Variants in ITSN1 observed in about 807,000 individuals in gnomAD.
The protein encoded by ITSN1 is intersectin 1.
ITSN1 carries 58 observed loss-of-function variants against 239.8 expected under a neutral mutation model. That is an observed-to-expected ratio of 0.24 (90% CI 0.20 to 0.30). The LOEUF (loss-of-function observed/expected upper bound fraction) is 0.30. Among genes scored for constraint, ITSN1 ranks in the 10% least tolerant of loss-of-function variants. The pLI is 1.00. For missense variants in ITSN1, 1,558 were observed against 2,103.3 expected, an observed-to-expected ratio of 0.74 and a Z score of 5.07; for synonymous variants, 780 against 770.8, an observed-to-expected ratio of 1.01 and a Z score of -0.20.
At chr21:33,803,659 A>G (rs1274285818) in intron 20 of ITSN1, among the ~76,000 whole-genome samples, 2 of 152,216 alleles carry the variant, frequency 1.3e-5, no homozygotes, top group Non-Finnish European at 2.9e-5. Context: ...ACCACTGGGC[A>G]GTAAAGAAGG....
intron 1 of ITSN1, chr21:33,643,445 A>C (rs942404255): frequency 3.3e-5 from 5 of 151,890 alleles, no homozygotes; most frequent in African/African-American, 7.3e-5. Flanking sequence ...CCGAATTCCC[A>C]AAAAAAGGAA....
chr21:33,677,469 A>G (rs1401103345), intron 1 of ITSN1, among the ~76,000 whole-genome samples: 1 of 151,746 alleles, frequency 6.6e-6, no homozygotes, highest in African/African-American at 2.4e-5. Flanking sequence ...CCTCCCGAGT[A>G]CCTGGGATTA....
At position 33,767,696 on chromosome 21, in the gene ITSN1, T is replaced by C; in HGVS notation, c.927-17T>C. 6.7e-7 allele frequency: 1 copy of C among 1,483,798 alleles called. No homozygotes were observed. The highest frequency in any genetic ancestry group is 9.3e-7 in the Non-Finnish European group (1 of 1,070,274). The allele number at this position is 1,483,798 out of a possible 1,614,324, so 91.9% of individuals were successfully genotyped here. On this transcript the variant is annotated splice_polypyrimidine_tract_variant and intron_variant, in intron 10 of 39. Transcript: ENST00000381318. ...AGCTCTGTGTGAATCTATTTTTCTTTTTCCCCGCAATTGCAGAAGAGTTCG... is the reference window on the plus strand; with the variant it reads ...AGCTCTGTGTGAATCTATTTTTCTTCTTCCCCGCAATTGCAGAAGAGTTCG...
At chr21:33,832,261 C>T (rs145689791) in intron 27 of ITSN1, among the ~76,000 whole-genome samples, 3 of 152,354 alleles carry the variant, frequency 2.0e-5, no homozygotes, top group South Asian at 4.1e-4. Flanking sequence ...TCTGGAAGCT[C>T]TCTGTGACCA....
Position 33,865,475 on chromosome 21 carries a change from G to A in ITSN1, c.4074+141G>A. ...GCCTAGGGTCTTGGCTAAGCCTTAG[G>A]GGACTGGCACTCACTGGCAAGTGTG... On this transcript the variant is annotated intron_variant, in intron 32 of 39. Coordinates refer to ENST00000381318, the MANE Select transcript of ITSN1 (RefSeq NM_003024.3). The surrounding 1 kb of genome is among the most constrained non-coding windows in gnomAD (Gnocchi z 4.4). The A allele has an allele frequency of 3.0e-6, 2 of 660,108 alleles. No homozygotes were observed. The highest frequency in any genetic ancestry group is 2.5e-5 in the South Asian group (1 of 39,434). 40.9% of individuals were successfully genotyped at this position (660,108 alleles called of 1,614,324 possible). A position where few individuals can be genotyped will look rare whatever the true frequency, so the allele number is the denominator to read the frequency against.
intron 22 of ITSN1, 141 bp from the exon 23 acceptor site, chr21:33,818,126 C>G: frequency 1.5e-6 from 1 of 664,288 alleles, no homozygotes; most frequent in Non-Finnish European, 2.6e-6. Flanking sequence ...TCCAGCCCTC[C>G]TGCTGTGCTG....
intron 4 of ITSN1, among the ~76,000 whole-genome samples, chr21:33,731,213 T>A (rs7278358): frequency 0.037 from 5,647 of 152,252 alleles, 366 homozygotes; most frequent in African/African-American, 0.13. Context: ...TAGAGTCTAA[T>A]TAAGCCATTA....
intron 16 of ITSN1, 24 bp from the exon 17 acceptor site, chr21:33,794,317 G>T: frequency 6.4e-7 from 1 of 1,568,392 alleles, no homozygotes; most frequent in South Asian, 1.1e-5. Flanking sequence ...GTCGCTACAT[G>T]AACTGTTTCT....
chr21:33,756,332 T>C (rs1434269103), intron 8 of ITSN1, among the ~76,000 whole-genome samples: 1 of 150,004 alleles, frequency 6.7e-6, no homozygotes, highest in Non-Finnish European at 1.5e-5. Context: ...AAAGCATAAC[T>C]TTAATGAAAG....
rs182707345 is a variant in ITSN1 at position 33,722,742 on chromosome 21, A to G, written c.185+91A>G. 1.0e-4 allele frequency: 124 copies of G among 1,227,258 alleles called. No homozygotes were observed. In the Admixed American group the frequency reaches 3.1e-3, roughly 31 times the overall value. The allele number at this position is 1,227,258 out of a possible 1,614,324, so 76.0% of individuals were successfully genotyped here. On this transcript the variant is annotated intron_variant, in intron 4 of 39. Coordinates refer to ENST00000381318, the MANE Select transcript of ITSN1 (RefSeq NM_003024.3). ...ATTTGGTAATATGATTTCTTATGTT[A>G]TAAAAGGAGAACATGTATCTCTAGC...
intron 29 of ITSN1, chr21:33,838,439 T>C: frequency 1.0e-6 from 1 of 983,070 alleles, no homozygotes. Flanking sequence ...TTAACAACTG[T>C]AATACAACCT....
At position 33,892,336 on chromosome 21, in the gene ITSN1, C is replaced by T. The variant is rs919966208; in HGVS notation, c.*4036C>T. The T allele has an allele frequency of 1.3e-5, 2 of 152,190 alleles. No homozygotes were observed. The allele number at this position is 152,190 out of a possible 1,614,324, so 9.4% of individuals were successfully genotyped here. On this transcript the variant is annotated 3_prime_UTR_variant, in exon 40 of 40. Coordinates refer to ENST00000381318, the MANE Select transcript of ITSN1 (RefSeq NM_003024.3). ...AACTAACACCTCCTTCTTTTTGCAC[C>T]GTGGGGTGCTGAAATTCCTGCTAGA...
At chr21:33,859,404 G>T (rs929922631) in intron 31 of ITSN1, among the ~76,000 whole-genome samples, 2 of 151,966 alleles carry the variant, frequency 1.3e-5, no homozygotes. Flanking sequence ...AAAATGAAAG[G>T]GTTGGATTCG....
At chr21:33,841,515 T>C (rs1160319015) in intron 29 of ITSN1, among the ~76,000 whole-genome samples, 1 of 152,134 alleles carries the variant, frequency 6.6e-6, no homozygotes, top group East Asian at 1.9e-4. Context: ...TCCAGTTTCC[T>C]TTTCCTTTAG....
At chr21:33,832,456 G>GCTCA (rs1306059693) in intron 27 of ITSN1, among the ~76,000 whole-genome samples, 1 of 152,240 alleles carries the variant, frequency 6.6e-6, no homozygotes, top group Non-Finnish European at 1.5e-5. Context: ...CTGTGCTTAA[G>GCTCA]TGAGTGTTTG....
rs767012972 is a variant in ITSN1 at position 33,823,551 on chromosome 21, T to C, written c.3081T>C (p.Asp1027=). ...EQGDLTFQQG[D]VILVTKKDGD... ...GAGATTTAACCTTTCAGCAAGGGGA[T>C]GTGATTTTGGTTACCAAGAAAGATG... Residue 1027 remains aspartate, a synonymous_variant, in exon 25 of 40, where the codon GAT becomes GAC. Transcript: ENST00000381318. The C allele has an allele frequency of 6.2e-7, 1 of 1,613,970 alleles. No homozygotes were observed.
intron 26 of ITSN1, among the ~76,000 whole-genome samples, chr21:33,828,624 CTCTT>C (rs1282838624): frequency 6.6e-6 from 1 of 152,330 alleles, no homozygotes; most frequent in East Asian, 1.9e-4. Flanking sequence ...ACTTCATTCC[CTCTT>C]TCTTCTTTTT....
At chr21:33,766,051 G>C in intron 10 of ITSN1, 39 bp downstream of exon 10, 5 of 1,607,724 alleles carry the variant, frequency 3.1e-6, no homozygotes, top group Middle Eastern at 3.3e-4. Flanking sequence ...TGTATGCGGA[G>C]TATATGAATT....
chr21:33,670,185 C>G (rs137969611), intron 1 of ITSN1, among the ~76,000 whole-genome samples: 3 of 152,212 alleles, frequency 2.0e-5, no homozygotes, highest in African/African-American at 7.2e-5. Flanking sequence ...GAGACCTTGC[C>G]TCTACCAAAA....
Sources: allele counts gnomAD v4.1 joint callset (sites outside exome capture counted in the v4.1 genomes callset), GRCh38; gene constraint gnomAD v4.1.1; non-coding constraint Gnocchi (gnomAD v3.1); transcripts MANE v1.5; gene names NCBI Gene and HGNC (gene_info 2026-07-23, HGNC 2026-07-21).